Variants in FHL1 observed in about 807,000 individuals in gnomAD.
FHL1 encodes the protein four and a half LIM domains 1.
Under a neutral mutation model 20.3 loss-of-function variants are expected in FHL1, and 1 was observed. The observed-to-expected ratio is 0.05, with a 90% CI of 0.02 to 0.23. The LOEUF (loss-of-function observed/expected upper bound fraction) is 0.23. Among genes scored for constraint, FHL1 ranks in the 10% least tolerant of loss-of-function variants. The pLI is 1.00. For missense variants in FHL1, 177 were observed against 234.0 expected, an observed-to-expected ratio of 0.76 and a Z score of 1.59; for synonymous variants, 82 against 88.9, an observed-to-expected ratio of 0.92 and a Z score of 0.44.
chrX:136,167,267 G>A (rs1324189781), upstream of FHL1, among the ~76,000 whole-genome samples: 1 of 111,577 alleles, frequency 9.0e-6, no homozygotes, highest in African/African-American at 3.3e-5. Context: ...GTGCAGTGGT[G>A]CGATCTCAGA....
chrX:136,203,520 A>G (rs1407243763), intron 1 of FHL1, among the ~76,000 whole-genome samples: 1 of 112,313 alleles, frequency 8.9e-6, no homozygotes, highest in African/African-American at 3.2e-5. Context: ...TACTATAGGA[A>G]TGATACAGTG....
chrX:136,170,635 A>G (rs950700402), intron 2 of FHL1, among the ~76,000 whole-genome samples: 1 of 110,879 alleles, frequency 9.0e-6, no homozygotes, highest in African/African-American at 3.3e-5. Flanking sequence ...GGGTTCCTCA[A>G]TTTTCTCTTT....
At chrX:136,191,236 G>T (rs5929739) in intron 2 of FHL1, among the ~76,000 whole-genome samples, 45,226 of 110,381 alleles carry the variant, frequency 0.41, 6,698 homozygotes, top group African/African-American at 0.45. Flanking sequence ...GGGCCACCGC[G>T]CTCCTCTGTC....
chrX:136,169,910 C>A (rs1569528768), exon 2 of FHL1: 1 of 330,963 alleles, frequency 3.0e-6, no homozygotes, highest in East Asian at 9.7e-5. Context: ...AACTTAGGCA[C>A]CTTGGAAGTT....
intron 2 of FHL1, among the ~76,000 whole-genome samples, chrX:136,170,504 G>A (rs1250879394): frequency 1.8e-5 from 2 of 111,277 alleles, no homozygotes; most frequent in African/African-American, 3.3e-5. Context: ...ATTTTCTTCT[G>A]ATTTGCCCTC....
intron 1 of FHL1, among the ~76,000 whole-genome samples, chrX:136,156,758 G>C (rs753757979): frequency 8.9e-6 from 1 of 111,787 alleles, no homozygotes; most frequent in Non-Finnish European, 1.9e-5. Flanking sequence ...TTTAGTTTTA[G>C]AGTGTGGATA....
intron 1 of FHL1, among the ~76,000 whole-genome samples, chrX:136,160,187 A>G (rs1485050639): frequency 1.8e-5 from 2 of 110,998 alleles, no homozygotes; most frequent in Non-Finnish European, 3.8e-5. Context: ...AGTGGGGGTG[A>G]GGGGAGGATC....
At chrX:136,181,321 G>A (rs2073153208) in intron 2 of FHL1, among the ~76,000 whole-genome samples, 1 of 111,517 alleles carries the variant, frequency 9.0e-6, no homozygotes, top group African/African-American at 3.3e-5. Context: ...AAACAGACGA[G>A]TATCTGCTTT....
At chrX:136,150,245 C>T (rs376495288) in intron 1 of FHL1, among the ~76,000 whole-genome samples, 2 of 111,859 alleles carry the variant, frequency 1.8e-5, no homozygotes, top group Admixed American at 1.9e-4. Context: ...AGAAATTAAC[C>T]CTCACCTCTA....
intron 1 of FHL1, among the ~76,000 whole-genome samples, chrX:136,162,122 C>A (rs866467375): frequency 6.4e-3 from 308 of 48,412 alleles, no homozygotes; most frequent in African/African-American, 0.01. Context: ...GACCCTGTCT[C>A]AAAAAAAAAA....
At position 136,208,609 on chromosome X, in the gene FHL1, A is replaced by T. The variant is rs777445252; in HGVS notation, c.704A>T (p.Lys235Met). The T allele has an allele frequency of 6.6e-6, 8 of 1,209,423 alleles. No individual in the cohort carries two copies. The South Asian group carries it at 1.4e-4, about 21-fold the overall frequency. ...CVDCYKNFVA[K>M]KCAGCKNPIT... ...GATTGCTACAAGAACTTTGTGGCCAAGAAGTGTGCTGGATGCAAGAACCCC... is the reference window on the plus strand; with the variant it reads ...GATTGCTACAAGAACTTTGTGGCCATGAAGTGTGCTGGATGCAAGAACCCC... The change falls in exon 5 of 6, where the codon AAG (lysine) becomes ATG (methionine). Residue 235 changes from lysine (K) to methionine (M), a missense_variant. Lys to Met is a moderately conservative substitution (Grantham distance 95). Transcript: ENST00000370683.
At chrX:136,164,071 G>A (rs1385952164) in intron 1 of FHL1, among the ~76,000 whole-genome samples, 1 of 112,081 alleles carries the variant, frequency 8.9e-6, no homozygotes, top group Admixed American at 9.5e-5. Context: ...TTAGGGCAAA[G>A]GACAAGAATT....
In FHL1 at chrX:136,171,888, A is replaced by ATT. The variant is rs3831873; in HGVS notation, c.-27+1916_-27+1917dup. On this transcript the variant is annotated intron_variant, in intron 2 of 6. Coordinates refer to the FHL1 transcript ENST00000394153. ...ATTTTTTTAAATTTTTTATTGATTT[A>ATT]TTTTTTTTTATGGAGTCTTGCTTTG... Among the ~76,000 whole-genome samples, 51 of 103,905 alleles carry ATT rather than the reference A, an allele frequency of 4.9e-4. No individual in the cohort carries two copies. In the South Asian group the frequency reaches 6.2e-3, roughly 13 times the overall value. 90.2% of individuals were successfully genotyped at this position (103,905 alleles called of 115,157 possible).
intron 2 of FHL1, among the ~76,000 whole-genome samples, chrX:136,191,629 A>G (rs760703858): frequency 8.9e-6 from 1 of 111,953 alleles, no homozygotes; most frequent in Non-Finnish European, 1.9e-5. Context: ...TGCATAATAA[A>G]GTAATGTATT....
exon 1 of FHL1, chrX:136,147,616 G>C (rs1422576972): frequency 9.3e-6 from 1 of 107,976 alleles, no homozygotes; most frequent in Non-Finnish European, 1.9e-5. Flanking sequence ...GCGCGGGCGA[G>C]CATCCCCACG....
upstream of FHL1, among the ~76,000 whole-genome samples, chrX:136,195,037 T>C (rs769398117): frequency 7.1e-5 from 8 of 112,243 alleles, no homozygotes; most frequent in Non-Finnish European, 1.3e-4. Flanking sequence ...AGTTGACTAA[T>C]TCATGGTGGT....
In FHL1 at chrX:136,178,611, A is replaced by AAACAAC. The variant is rs749289672; in HGVS notation, c.-27+8649_-27+8654dup. Among the ~76,000 whole-genome samples the AAACAAC allele has an allele frequency of 1.2e-4, 13 of 110,958 alleles. No homozygotes were observed. In the South Asian group the frequency reaches 4.6e-3, roughly 39 times the overall value. On this transcript the variant is annotated intron_variant, in intron 2 of 6. Coordinates refer to the FHL1 transcript ENST00000394153. ...ACTCTGTCAAAAAAACAAACAGACA[A>AAACAAC]AACAACAACAACAACAACAACAAAA... is the stretch of plus-strand genomic sequence containing the variant.
intron 1 of FHL1, among the ~76,000 whole-genome samples, chrX:136,203,702 AGT>A (rs778723114): frequency 5.3e-5 from 6 of 112,269 alleles, no homozygotes; most frequent in Non-Finnish European, 7.5e-5. Context: ...AAGTACTGAA[AGT>A]GTGTGGTTTT....
intron 1 of FHL1, among the ~76,000 whole-genome samples, chrX:136,203,188 A>G (rs1351168792): frequency 8.9e-6 from 1 of 112,712 alleles, no homozygotes; most frequent in Non-Finnish European, 1.9e-5. Context: ...TATGCAACAA[A>G]TCCAACATTC....
Sources: allele counts gnomAD v4.1 joint callset (sites outside exome capture counted in the v4.1 genomes callset), GRCh38; gene constraint gnomAD v4.1.1; transcripts MANE v1.5; gene names NCBI Gene and HGNC (gene_info 2026-07-23, HGNC 2026-07-21).